HTR2A: variants seen among roughly 807,000 people sequenced by gnomAD.
HTR2A encodes the protein 5-hydroxytryptamine receptor 2A, also known as 5-HT2 receptor.
In HTR2A, 14 loss-of-function variants were observed where a neutral mutation model predicts 31.0. The ratio of observed to expected loss-of-function variants is 0.45; its 90% CI spans 0.30 to 0.71. The LOEUF (loss-of-function observed/expected upper bound fraction) is 0.71. HTR2A is among the 30% of genes least tolerant of loss of function. The pLI is 0.09. For synonymous variants in HTR2A, 209 were observed against 225.2 expected (o/e 0.93, Z 0.64); for missense variants, 442 against 573.3 (o/e 0.77, Z 2.34).
chr13:46,864,385 G>A (rs1950804208), intron 3 of HTR2A, among the ~76,000 whole-genome samples: 1 of 152,168 alleles, frequency 6.6e-6, no homozygotes, highest in South Asian at 2.1e-4. Context: ...AACCTGCACA[G>A]GTACCCCTGA....
chr13:46,832,572 A>AC lies in HTR2A; in HGVS notation c.*2264_*2265insG, dbSNP rs1375916986. 6.6e-6 allele frequency: 1 copy of AC among 152,230 alleles called. No homozygotes were observed. Among genetic ancestry groups the AC allele is most frequent in the Non-Finnish European group, 1.5e-5 (1 of 68,034 alleles). The allele number at this position is 152,230 out of a possible 1,614,324, so 9.4% of individuals were successfully genotyped here. A position where few individuals can be genotyped will look rare whatever the true frequency, so the allele number is the denominator to read the frequency against. On this transcript the variant is annotated 3_prime_UTR_variant, in exon 4 of 4. Coordinates refer to ENST00000542664, the MANE Select transcript of HTR2A (RefSeq NM_000621.5). ...TATATAATGAAATGTGCAGAGTTAC[A>AC]AGTGAAGGCAAAATACATTAGAGTG...
chr13:46,866,987 C>A (rs1427826979), intron 3 of HTR2A, among the ~76,000 whole-genome samples: 1 of 152,156 alleles, frequency 6.6e-6, no homozygotes, highest in Non-Finnish European at 1.5e-5. Flanking sequence ...GATTGCGCCA[C>A]TGCACTCCAG....
chr13:46,891,483 T>G (rs1167364063), intron 3 of HTR2A, among the ~76,000 whole-genome samples: 1 of 152,250 alleles, frequency 6.6e-6, no homozygotes, highest in Non-Finnish European at 1.5e-5. Flanking sequence ...AGTATTATTG[T>G]GTTGGCTCTT....
chr13:46,834,299 T>C lies in HTR2A; in HGVS notation c.*538A>G, dbSNP rs2138335308. The C allele has an allele frequency of 6.5e-6, 1 of 152,818 alleles. No homozygotes were observed. The highest frequency in any genetic ancestry group is 6.5e-5 in the Admixed American group (1 of 15,306). 9.5% of individuals were successfully genotyped at this position (152,818 alleles called of 1,614,324 possible). ...ATGAAAAATGTTGTCAAGTATTTCA[T>C]TTAATTATCTTAGCAATACAGATTT... On this transcript the variant is annotated 3_prime_UTR_variant, in exon 4 of 4. Transcript: ENST00000542664.
intron 3 of HTR2A, among the ~76,000 whole-genome samples, chr13:46,883,749 A>T (rs1950985081): frequency 6.6e-6 from 1 of 152,160 alleles, no homozygotes; most frequent in South Asian, 2.1e-4. Context: ...ATAAAGGGAA[A>T]ATGAAATCCA....
At chr13:46,874,454 C>T (rs1411930930) in intron 3 of HTR2A, among the ~76,000 whole-genome samples, 1 of 152,214 alleles carries the variant, frequency 6.6e-6, no homozygotes, top group Non-Finnish European at 1.5e-5. Context: ...TCTCTTCTCA[C>T]TTATTCAGTC....
intron 3 of HTR2A, among the ~76,000 whole-genome samples, chr13:46,889,668 C>A (rs753454702): frequency 2.6e-5 from 4 of 152,128 alleles, no homozygotes; most frequent in Non-Finnish European, 5.9e-5. Flanking sequence ...GCTTTAGTTA[C>A]TAGTAGAAGC....
chr13:46,877,043 T>C (rs1200539280), intron 3 of HTR2A, among the ~76,000 whole-genome samples: 1 of 152,178 alleles, frequency 6.6e-6, no homozygotes, highest in East Asian at 1.9e-4. Flanking sequence ...GAAAACATAG[T>C]ATATCTAAAC....
intron 3 of HTR2A, among the ~76,000 whole-genome samples, chr13:46,879,774 A>C (rs774705917): frequency 2.6e-5 from 4 of 152,188 alleles, no homozygotes; most frequent in Non-Finnish European, 5.9e-5. Context: ...GAAAGGCTGA[A>C]GTGGGAAGAT....
At chr13:46,863,657 A>ATAAAG (rs1555298353) in intron 3 of HTR2A, among the ~76,000 whole-genome samples, 2 of 118,256 alleles carry the variant, frequency 1.7e-5, no homozygotes, top group Non-Finnish European at 3.5e-5. Context: ...AAAGAAAAAA[A>ATAAAG]AAAAAGACAG....
intron 3 of HTR2A, among the ~76,000 whole-genome samples, chr13:46,845,792 C>A (rs1285315411): frequency 6.6e-6 from 1 of 152,158 alleles, no homozygotes; most frequent in Admixed American, 6.5e-5. Context: ...AAACTCTCTA[C>A]CCTCTTAAAA....
chr13:46,895,429 T>C lies in HTR2A; in HGVS notation c.412+66A>G. 1.4e-6 allele frequency: 2 copies of C among 1,472,482 alleles called. No individual in the cohort carries two copies. The highest frequency in any genetic ancestry group is 1.9e-6 in the Non-Finnish European group (2 of 1,079,536). The allele number at this position is 1,472,482 out of a possible 1,614,324, so 91.2% of individuals were successfully genotyped here. A position where few individuals can be genotyped will look rare whatever the true frequency, so the allele number is the denominator to read the frequency against. On this transcript the variant is annotated intron_variant, in intron 2 of 3. Coordinates refer to ENST00000542664, the MANE Select transcript of HTR2A (RefSeq NM_000621.5). This position sits in a 1 kb window ranked among gnomAD's most constrained non-coding sequence, Gnocchi z 4.4. ...TTTGCCCCCTGAGCCCCATCTCATCTGCTGGTGGCATGCACATGCTCTTTA... is the reference window on the plus strand; with the variant it reads ...TTTGCCCCCTGAGCCCCATCTCATCCGCTGGTGGCATGCACATGCTCTTTA...
chr13:46,880,256 T>C (rs540281494), intron 3 of HTR2A, among the ~76,000 whole-genome samples: 34 of 152,092 alleles, frequency 2.2e-4, no homozygotes, highest in Non-Finnish European at 4.1e-4. Context: ...AATAAACTGA[T>C]CAGAAGATCC....
intron 3 of HTR2A, among the ~76,000 whole-genome samples, chr13:46,836,219 G>A (rs953333282): frequency 6.6e-6 from 1 of 151,396 alleles, no homozygotes; most frequent in Non-Finnish European, 1.5e-5. Flanking sequence ...TCACAAGCAT[G>A]GCTTATATAT....
intron 3 of HTR2A, among the ~76,000 whole-genome samples, chr13:46,868,598 G>T (rs1460322182): frequency 6.6e-6 from 1 of 152,076 alleles, no homozygotes; most frequent in Non-Finnish European, 1.5e-5. Flanking sequence ...TTCTTTGAAA[G>T]AACCTACTCA....
chr13:46,859,253 CATT>C (rs1202853101), intron 3 of HTR2A, among the ~76,000 whole-genome samples: 1 of 152,194 alleles, frequency 6.6e-6, no homozygotes, highest in Non-Finnish European at 1.5e-5. Flanking sequence ...TGATTCCTCT[CATT>C]CTTCAAGTTT....
intron 3 of HTR2A, among the ~76,000 whole-genome samples, chr13:46,857,389 G>A (rs991114230): frequency 3.3e-5 from 5 of 151,912 alleles, no homozygotes; most frequent in Non-Finnish European, 7.4e-5. Flanking sequence ...AATGAGGGTC[G>A]GTTTGCCCAT....
At chr13:46,889,995 A>C (rs897990320) in intron 3 of HTR2A, among the ~76,000 whole-genome samples, 5 of 152,148 alleles carry the variant, frequency 3.3e-5, no homozygotes, top group Non-Finnish European at 7.3e-5. Context: ...CTTTGAATGC[A>C]TATCTTTTTC....
intron 3 of HTR2A, among the ~76,000 whole-genome samples, chr13:46,862,240 C>A (rs1256386319): frequency 6.6e-6 from 1 of 152,108 alleles, no homozygotes. Flanking sequence ...GGTTTTGAAC[C>A]AATCAGCTTA....
Sources: gnomAD v4.1 joint callset for allele counts (sites outside exome capture counted in the v4.1 genomes callset) on GRCh38, gnomAD v4.1.1 for gene constraint, Gnocchi (gnomAD v3.1) non-coding constraint, MANE v1.5 for transcripts, NCBI Gene and HGNC (gene_info 2026-07-23, HGNC 2026-07-21) for gene names.